Variants in ENAH observed in about 807,000 individuals in gnomAD.
The protein encoded by ENAH is protein enabled homolog.
A neutral mutation model predicts 78.7 loss-of-function variants in ENAH; 23 were observed. That is an observed-to-expected ratio of 0.29 (90% CI 0.21 to 0.41). The LOEUF is 0.41. Among genes scored for constraint, ENAH ranks in the 10% least tolerant of loss-of-function variants. The pLI, the probability that ENAH is intolerant of heterozygous loss-of-function variation, is 1.00. For synonymous variants in ENAH, 226 were observed against 241.0 expected (o/e 0.94, Z 0.58); for missense variants, 544 against 691.0 (o/e 0.79, Z 2.39).
At chr1:225,558,411 G>A (rs528888902) in intron 2 of ENAH, among the ~76,000 whole-genome samples, 8 of 152,112 alleles carry the variant, frequency 5.3e-5, no homozygotes, top group South Asian at 2.1e-4. Context: ...AAGTGTTTTC[G>A]TAGGAATTTC....
intron 1 of ENAH, among the ~76,000 whole-genome samples, chr1:225,618,738 C>T (rs1278408820): frequency 6.6e-6 from 1 of 152,200 alleles, no homozygotes; most frequent in African/African-American, 2.4e-5. Context: ...AGAACACTAT[C>T]TCTGTGCTTT....
intron 1 of ENAH, among the ~76,000 whole-genome samples, chr1:225,611,635 T>C (rs2148131150): frequency 6.6e-6 from 1 of 152,166 alleles, no homozygotes; most frequent in East Asian, 1.9e-4. Flanking sequence ...AAAAATTTTT[T>C]AATTAGCCAG....
rs892864213 is a variant in ENAH, at chr1:225,488,989, G to C, written c.*8786C>G. ...GGATAAGATGGAAGATATAAAATAA[G>C]AAGGGCAGGAGGGTAAGATTATTCC... On this transcript the variant is annotated 3_prime_UTR_variant, in exon 14 of 14. Transcript: ENST00000366843. 21 of 152,218 alleles carry C rather than the reference G, an allele frequency of 1.4e-4. No homozygotes were observed. Among genetic ancestry groups the C allele is most frequent in the African/African-American group, 5.1e-4 (21 of 41,454 alleles). 9.4% of individuals were successfully genotyped at this position (152,218 alleles called of 1,614,324 possible). A position where few individuals can be genotyped will look rare whatever the true frequency, so the allele number is the denominator to read the frequency against.
chr1:225,625,602 A>C (rs1301316794), intron 1 of ENAH, among the ~76,000 whole-genome samples: 1 of 152,054 alleles, frequency 6.6e-6, no homozygotes, highest in Non-Finnish European at 1.5e-5. Flanking sequence ...AGCTCACCCC[A>C]ACCTCCACCT....
intron 3 of ENAH, among the ~76,000 whole-genome samples, chr1:225,544,680 G>A (rs1377769039): frequency 6.6e-6 from 1 of 152,234 alleles, no homozygotes; most frequent in Non-Finnish European, 1.5e-5. Context: ...CATGAAAAAT[G>A]AGGCTTCATA....
Position 225,554,958 on chromosome 1 carries a change from G to A in ENAH, c.297C>T (p.Val99=). Reference sequence around the variant, plus strand: ...AGGCATGCATCATGGCACTTGCGAAGACATTGGCATCCTCTTTGCTGCCAA... The same window carrying A: ...AGGCATGCATCATGGCACTTGCGAAAACATTGGCATCCTCTTTGCTGCCAA... The part of the protein sequence containing the change: ...LNFGSKEDAN[V]FASAMMHALE... The change falls in exon 3 of 14, where the codon GTC becomes GTT. Residue 99 remains valine (V), a synonymous_variant. Coordinates refer to ENST00000366843, the MANE Select transcript of ENAH (RefSeq NM_018212.6). The A allele has an allele frequency of 1.9e-6, 3 of 1,604,124 alleles. No homozygotes were observed. Among genetic ancestry groups the A allele is most frequent in the Non-Finnish European group, 2.6e-6 (3 of 1,172,274 alleles).
chr1:225,653,721 C>G (rs1285453858), upstream of ENAH, among the ~76,000 whole-genome samples: 1 of 152,192 alleles, frequency 6.6e-6, no homozygotes, highest in East Asian at 1.9e-4. This position sits in a 1 kb window ranked among gnomAD's most constrained non-coding sequence, Gnocchi z 4.3. Context: ...CTGTTGCGGT[C>G]TCAGGACGGG....
chr1:225,639,698 G>A (rs1037784996), intron 1 of ENAH, among the ~76,000 whole-genome samples: 5 of 126,236 alleles, frequency 4.0e-5, no homozygotes, highest in Non-Finnish European at 6.4e-5. Flanking sequence ...GGACTATGGC[G>A]GGATTAAACA....
At chr1:225,622,339 G>A (rs1657133105) in intron 1 of ENAH, among the ~76,000 whole-genome samples, 1 of 152,190 alleles carries the variant, frequency 6.6e-6, no homozygotes, top group African/African-American at 2.4e-5. Flanking sequence ...TTATAATCCA[G>A]CACTTTGGGA....
At chr1:225,561,619 T>TTAAAATAAAATAAAATAAAA (rs140300660) in intron 2 of ENAH, among the ~76,000 whole-genome samples, 36,546 of 125,444 alleles carry the variant, frequency 0.29, 6,312 homozygotes, top group Middle Eastern at 0.36. Flanking sequence ...AGATTCCGTC[T>TTAAAATAAAATAAAATAAAA]TAAAATAAAA....
At chr1:225,505,369 T>A (rs1229857006) in intron 11 of ENAH, among the ~76,000 whole-genome samples, 1 of 152,306 alleles carries the variant, frequency 6.6e-6, no homozygotes, top group East Asian at 1.9e-4. Flanking sequence ...TTTCCCATCT[T>A]GAATACAAGA....
intron 1 of ENAH, among the ~76,000 whole-genome samples, chr1:225,634,389 T>A (rs971452643): frequency 1.3e-5 from 2 of 152,216 alleles, no homozygotes; most frequent in Non-Finnish European, 2.9e-5. Flanking sequence ...TTAGCCCTCA[T>A]AAACATCTGG....
At chr1:225,516,942 C>T (rs1157879030) in intron 6 of ENAH, among the ~76,000 whole-genome samples, 2 of 149,162 alleles carry the variant, frequency 1.3e-5, no homozygotes, top group African/African-American at 4.9e-5. Flanking sequence ...TACTAGAAAA[C>T]ATCTTTAACT....
At chr1:225,506,151 C>G (rs532547071) in intron 11 of ENAH, among the ~76,000 whole-genome samples, 1 of 152,146 alleles carries the variant, frequency 6.6e-6, no homozygotes, top group Non-Finnish European at 1.5e-5. Context: ...TCAACGTAGG[C>G]TTAGCTTTTA....
intron 1 of ENAH, among the ~76,000 whole-genome samples, chr1:225,583,939 G>A (rs1310702459): frequency 6.6e-6 from 1 of 152,086 alleles, no homozygotes; most frequent in Non-Finnish European, 1.5e-5. Flanking sequence ...GATCACTTGA[G>A]GCCAGGGGTT....
chr1:225,500,960 C>G (rs768231480), intron 12 of ENAH, 32 bp downstream of exon 12: 1 of 1,595,864 alleles, frequency 6.3e-7, no homozygotes, highest in Non-Finnish European at 8.6e-7. Flanking sequence ...GAAACAAGTA[C>G]AAATAAAGGA....
chr1:225,535,580 G>A, intron 3 of ENAH: 1 of 1,299,974 alleles, frequency 7.7e-7, no homozygotes, highest in Non-Finnish European at 1.0e-6. Context: ...CAGACACCTT[G>A]GTGTTAGAAG....
At chr1:225,501,889 C>A (rs1467377943) in intron 11 of ENAH, among the ~76,000 whole-genome samples, 1 of 152,198 alleles carries the variant, frequency 6.6e-6, no homozygotes, top group Non-Finnish European at 1.5e-5. Context: ...ATAAACCAGT[C>A]ATGGCGCCCT....
At chr1:225,507,119 C>G (rs1490598808) in intron 11 of ENAH, among the ~76,000 whole-genome samples, 2 of 151,728 alleles carry the variant, frequency 1.3e-5, no homozygotes, top group Non-Finnish European at 2.9e-5. Context: ...AAAGGAAGAA[C>G]AAATTTGCCT....
Sources: allele counts gnomAD v4.1 joint callset (sites outside exome capture counted in the v4.1 genomes callset), GRCh38; gene constraint gnomAD v4.1.1; non-coding constraint Gnocchi (gnomAD v3.1); transcripts MANE v1.5; gene names NCBI Gene and HGNC (gene_info 2026-07-23, HGNC 2026-07-21).